Variants in TBC1D22A observed in about 807,000 individuals in gnomAD.
TBC1D22A encodes the protein TBC1 domain family member 22A.
TBC1D22A carries 38 observed loss-of-function variants against 60.2 expected under a neutral mutation model. That is an observed-to-expected ratio of 0.63 (90% CI 0.49 to 0.83). TBC1D22A has a LOEUF of 0.83. Ranked by LOEUF, TBC1D22A falls within the 40% of genes least tolerant of loss-of-function variation. TBC1D22A has a pLI of 0.00. For missense variants in TBC1D22A, 628 were observed against 701.0 expected (o/e 0.90, Z 1.18); for synonymous variants, 302 against 281.7 (o/e 1.07, Z -0.72).
chr22:46,886,535 C>T (rs945201992), intron 5 of TBC1D22A, among the ~76,000 whole-genome samples: 4 of 152,208 alleles, frequency 2.6e-5, no homozygotes, highest in Admixed American at 2.0e-4. Flanking sequence ...GCATCGTGAA[C>T]CTTGAAGGTA....
chr22:46,879,333 C>G (rs957182176), intron 5 of TBC1D22A, among the ~76,000 whole-genome samples: 1 of 152,222 alleles, frequency 6.6e-6, no homozygotes, highest in Non-Finnish European at 1.5e-5. Flanking sequence ...GCAATGCCCT[C>G]GTACACTTAG....
At chr22:47,015,873 C>T (rs1193682755) in intron 10 of TBC1D22A, among the ~76,000 whole-genome samples, 1 of 152,208 alleles carries the variant, frequency 6.6e-6, no homozygotes, top group Non-Finnish European at 1.5e-5. Flanking sequence ...GGAGCCTGGG[C>T]TTCTCCTCAT....
At chr22:46,965,486 G>A (rs797000279) in intron 8 of TBC1D22A, among the ~76,000 whole-genome samples, 15 of 152,340 alleles carry the variant, frequency 9.8e-5, no homozygotes, top group East Asian at 3.9e-4. Context: ...AGCCTTCGGC[G>A]TGCTTTGTCA....
Position 47,159,702 on chromosome 22 carries a change from A to G in TBC1D22A, c.1426-13796A>G, listed in dbSNP as rs554068742. Reference sequence around the variant, plus strand: ...AGACACGCCATGCACCACACACCACATATACACACGCACACTACACAAACA... The same window carrying G: ...AGACACGCCATGCACCACACACCACGTATACACACGCACACTACACAAACA... On this transcript the variant is annotated intron_variant, in intron 12 of 12. Transcript: ENST00000337137. 2.6e-5 allele frequency among the ~76,000 whole-genome samples: 4 copies of G among 151,758 alleles called. No individual in the cohort carries two copies. In the South Asian group the frequency reaches 8.3e-4, roughly 32 times the overall value.
At chr22:46,923,339 TG>T (rs1334967313) in intron 8 of TBC1D22A, among the ~76,000 whole-genome samples, 2 of 152,222 alleles carry the variant, frequency 1.3e-5, no homozygotes, top group African/African-American at 4.8e-5. Flanking sequence ...AAGAGACCAG[TG>T]GCTATCTGCA....
intron 8 of TBC1D22A, 63 bp from the exon 9 acceptor site, chr22:46,974,227 C>T: frequency 7.0e-7 from 1 of 1,419,878 alleles, no homozygotes; most frequent in East Asian, 2.5e-5. Flanking sequence ...CGTGGGCCCC[C>T]TCGTGGGTCG....
At chr22:46,804,153 C>T (rs1362318555) in intron 4 of TBC1D22A, among the ~76,000 whole-genome samples, 2 of 152,200 alleles carry the variant, frequency 1.3e-5, no homozygotes, top group African/African-American at 2.4e-5. Flanking sequence ...GTTTTCCCCC[C>T]GTGGCTTCCC....
rs763196101 is a variant in TBC1D22A, at chr22:46,993,203, C to T, written c.1126-4431C>T. Among the ~76,000 whole-genome samples, 105 of 152,168 alleles carry T rather than the reference C, an allele frequency of 6.9e-4. 1 individual carries two copies. Among genetic ancestry groups the T allele is most frequent in the Admixed American group, 2.0e-4 (3 of 15,284 alleles). On this transcript the variant is annotated intron_variant, in intron 9 of 12. Coordinates refer to ENST00000337137, the MANE Select transcript of TBC1D22A (RefSeq NM_014346.5). ...CCTAAGAAAATTTTATTCTACTTTT[C>T]TTCCAAAAAGTGCAGAAAGTGTTAT...
At chr22:46,780,834 T>C (rs992791772) in intron 1 of TBC1D22A, among the ~76,000 whole-genome samples, 2 of 152,238 alleles carry the variant, frequency 1.3e-5, no homozygotes, top group Admixed American at 6.5e-5. Flanking sequence ...GCTGAAGACA[T>C]CTGTGTTGCA....
At chr22:47,143,895 G>A (rs1448917035) in intron 12 of TBC1D22A, among the ~76,000 whole-genome samples, 1 of 152,250 alleles carries the variant, frequency 6.6e-6, no homozygotes, top group Admixed American at 6.5e-5. Flanking sequence ...CCGGAAACAC[G>A]TGGAGAGGTG....
chr22:46,816,678 T>C (rs1403031634), intron 4 of TBC1D22A, among the ~76,000 whole-genome samples: 1 of 152,178 alleles, frequency 6.6e-6, no homozygotes, highest in Admixed American at 6.5e-5. Flanking sequence ...TTTTTTTCTT[T>C]TTTGGGCTTT....
chr22:47,116,375 T>C (rs1000975939), intron 12 of TBC1D22A: 30 of 152,060 alleles, frequency 2.0e-4, no homozygotes, highest in African/African-American at 6.3e-4. Context: ...GGCACCTCCA[T>C]GAAGTCAGGA....
chr22:46,931,124 TG>T (rs2071336276), intron 8 of TBC1D22A, among the ~76,000 whole-genome samples: 1 of 152,160 alleles, frequency 6.6e-6, no homozygotes, highest in Non-Finnish European at 1.5e-5. Flanking sequence ...TGGAATTACT[TG>T]GTCATGTGGT....
chr22:46,924,267 G>A (rs1400720820), intron 8 of TBC1D22A, among the ~76,000 whole-genome samples: 1 of 152,180 alleles, frequency 6.6e-6, no homozygotes, highest in South Asian at 2.1e-4. Flanking sequence ...GGAGTGACTG[G>A]ATGTTGGTTG....
intron 11 of TBC1D22A, among the ~76,000 whole-genome samples, chr22:47,063,635 G>A (rs1002735456): frequency 6.6e-6 from 1 of 152,154 alleles, no homozygotes; most frequent in Non-Finnish European, 1.5e-5. Context: ...GGACTGGGCT[G>A]TCACTCGCGT....
At chr22:46,923,688 C>T (rs2070886405) in intron 8 of TBC1D22A, among the ~76,000 whole-genome samples, 1 of 152,256 alleles carries the variant, frequency 6.6e-6, no homozygotes, top group Admixed American at 6.5e-5. Flanking sequence ...GCATAAGCAG[C>T]TGTTTTCTGT....
At chr22:46,797,055 T>A (rs1333756851) in intron 3 of TBC1D22A, among the ~76,000 whole-genome samples, 1 of 152,154 alleles carries the variant, frequency 6.6e-6, no homozygotes, top group Admixed American at 6.5e-5. Context: ...GGGCTTGCCC[T>A]CCGCACTCAG....
intron 12 of TBC1D22A, among the ~76,000 whole-genome samples, chr22:47,134,661 C>G (rs1051486532): frequency 3.3e-5 from 5 of 152,238 alleles, no homozygotes; most frequent in African/African-American, 1.2e-4. Flanking sequence ...CCCACCCACC[C>G]ACGAGGCTGC....
chr22:46,776,684 G>A (rs183513901), intron 1 of TBC1D22A, among the ~76,000 whole-genome samples: 2 of 152,094 alleles, frequency 1.3e-5, no homozygotes, highest in African/African-American at 2.4e-5. Flanking sequence ...AACCATGGCC[G>A]TGGGGAGGAG....
Sources: allele counts gnomAD v4.1 joint callset (sites outside exome capture counted in the v4.1 genomes callset), GRCh38; gene constraint gnomAD v4.1.1; transcripts MANE v1.5; gene names NCBI Gene and HGNC (gene_info 2026-07-23, HGNC 2026-07-21).